Variants in MACROD2 observed in about 807,000 individuals in gnomAD.
MACROD2 encodes the protein mono-ADP ribosylhydrolase 2, also known as ADP-ribose glycohydrolase MACROD2.
Under a neutral mutation model 70.4 loss-of-function variants are expected in MACROD2, and 36 were observed. The ratio of observed to expected loss-of-function variants is 0.51; its 90% CI spans 0.39 to 0.68. MACROD2 has a LOEUF of 0.68. Ranked by LOEUF, MACROD2 falls within the 30% of genes least tolerant of loss-of-function variation. The probability of loss-of-function intolerance (pLI) is 0.00; values close to 1 mark genes in which losing one functional copy is unlikely to be tolerated. For synonymous variants in MACROD2, 172 were observed against 178.8 expected (o/e 0.96, Z 0.30); for missense variants, 496 against 538.4 (o/e 0.92, Z 0.78).
intron 5 of MACROD2, among the ~76,000 whole-genome samples, chr20:14,817,415 A>T (rs190762824): frequency 6.6e-6 from 1 of 152,108 alleles, no homozygotes; most frequent in East Asian, 1.9e-4. Context: ...TGTAAAAGAC[A>T]TGAACACTAA....
At chr20:15,905,533 T>A (rs571872797) in intron 10 of MACROD2, among the ~76,000 whole-genome samples, 2 of 152,334 alleles carry the variant, frequency 1.3e-5, no homozygotes, top group East Asian at 3.9e-4. Flanking sequence ...TCCCCGGGTT[T>A]ATAGAACTAA....
intron 5 of MACROD2, among the ~76,000 whole-genome samples, chr20:14,871,608 ATAAAC>A (rs1449660840): frequency 6.6e-6 from 1 of 152,172 alleles, no homozygotes; most frequent in Non-Finnish European, 1.5e-5. Flanking sequence ...AAATGACCAC[ATAAAC>A]AAGTCTGAAA....
chr20:15,229,250 G>A (rs2076938735), intron 5 of MACROD2, among the ~76,000 whole-genome samples: 1 of 152,090 alleles, frequency 6.6e-6, no homozygotes, highest in African/African-American at 2.4e-5. Flanking sequence ...AACATAAATA[G>A]GAGTTGAACA....
intron 5 of MACROD2, among the ~76,000 whole-genome samples, chr20:14,984,578 G>T (rs2074831907): frequency 6.6e-6 from 1 of 152,164 alleles, no homozygotes; most frequent in Admixed American, 6.5e-5. Flanking sequence ...GAAACTGCTA[G>T]ACGAACAGGG....
chr20:15,970,750 T>C (rs1417422829), intron 13 of MACROD2, among the ~76,000 whole-genome samples: 1 of 152,092 alleles, frequency 6.6e-6, no homozygotes, highest in East Asian at 1.9e-4. Context: ...TTCAACTGGG[T>C]AGGAACACTA....
intron 2 of MACROD2, among the ~76,000 whole-genome samples, chr20:14,057,166 T>A (rs2053640185): frequency 6.6e-6 from 1 of 152,134 alleles, no homozygotes; most frequent in Non-Finnish European, 1.5e-5. Context: ...AGAGAATATC[T>A]TACATCTTTC....
chr20:14,190,635 C>T (rs1198339911), intron 3 of MACROD2, among the ~76,000 whole-genome samples: 1 of 137,822 alleles, frequency 7.3e-6, no homozygotes, highest in Non-Finnish European at 1.5e-5. Context: ...TTTATTTTAC[C>T]CACACCACTT....
At chr20:14,096,392 A>G in intron 3 of MACROD2, among the ~76,000 whole-genome samples, 1 of 132,190 alleles carries the variant, frequency 7.6e-6, no homozygotes, top group African/African-American at 3.0e-5. Flanking sequence ...TTTGAGACAG[A>G]GTCTTGCTCT....
chr20:15,403,404 G>A (rs1041954458), intron 6 of MACROD2, among the ~76,000 whole-genome samples: 6 of 151,368 alleles, frequency 4.0e-5, no homozygotes, highest in African/African-American at 1.2e-4. Flanking sequence ...GTTAGAGAGA[G>A]AGAGAGAGAA....
chr20:15,084,838 A>G (rs1381982874), intron 5 of MACROD2, among the ~76,000 whole-genome samples: 4 of 152,186 alleles, frequency 2.6e-5, no homozygotes, highest in African/African-American at 7.2e-5. Flanking sequence ...TAAAACATAT[A>G]TGTCCTTCAA....
chr20:15,405,036 A>G (rs1394000153), intron 6 of MACROD2, among the ~76,000 whole-genome samples: 1 of 152,206 alleles, frequency 6.6e-6, no homozygotes, highest in Non-Finnish European at 1.5e-5. Flanking sequence ...GATACAAAAT[A>G]CCACATAGTG....
In MACROD2 at chr20:15,594,163, T is replaced by A. The variant is rs138776407; in HGVS notation, c.645+94316T>A. On this transcript the variant is annotated intron_variant, in intron 8 of 17. Coordinates refer to ENST00000684519, the MANE Select transcript of MACROD2 (RefSeq NM_001351661.2). ...TGCAATAAGACCCACCCATATTTTA[T>A]GACTATAACTATAATTTACACAAAT... is the stretch of plus-strand genomic sequence containing the variant. 2.4e-4 allele frequency among the ~76,000 whole-genome samples: 37 copies of A among 152,352 alleles called. No individual in the cohort carries two copies. In the East Asian group the frequency reaches 6.9e-3, roughly 29 times the overall value.
intron 6 of MACROD2, among the ~76,000 whole-genome samples, chr20:15,349,522 C>A (rs1381175553): frequency 6.6e-6 from 1 of 152,024 alleles, no homozygotes; most frequent in African/African-American, 2.4e-5. Flanking sequence ...TTTGGGAGGC[C>A]AAGGTGGGTG....
chr20:14,916,847 T>A (rs531051345), intron 5 of MACROD2, among the ~76,000 whole-genome samples: 1 of 152,244 alleles, frequency 6.6e-6, no homozygotes, highest in South Asian at 2.1e-4. Context: ...ATGGCCATAC[T>A]GAACCTCAGC....
At chr20:14,545,268 T>G (rs1450752034) in intron 4 of MACROD2, among the ~76,000 whole-genome samples, 1 of 152,188 alleles carries the variant, frequency 6.6e-6, no homozygotes, top group Non-Finnish European at 1.5e-5. Flanking sequence ...AGGTATCCTG[T>G]CTGGTACCTG....
intron 5 of MACROD2, among the ~76,000 whole-genome samples, chr20:14,968,707 G>T (rs917720947): frequency 1.3e-5 from 2 of 152,076 alleles, no homozygotes; most frequent in Admixed American, 6.5e-5. Context: ...TGCAATACTG[G>T]AAAGTTTTCA....
intron 5 of MACROD2, among the ~76,000 whole-genome samples, chr20:15,227,823 GT>G (rs59129207): frequency 3.5e-4 from 16 of 46,108 alleles, no homozygotes; most frequent in South Asian, 9.6e-4. Flanking sequence ...AATTTCACCT[GT>G]TTTTTTTTTT....
intron 5 of MACROD2, among the ~76,000 whole-genome samples, chr20:15,145,072 C>T (rs146891346): frequency 6.6e-6 from 1 of 152,166 alleles, no homozygotes; most frequent in East Asian, 1.9e-4. Flanking sequence ...ATTTTTAACT[C>T]AGTAAATGGT....
chr20:14,422,004 A>G (rs1345429616), intron 3 of MACROD2, among the ~76,000 whole-genome samples: 1 of 152,188 alleles, frequency 6.6e-6, no homozygotes, highest in South Asian at 2.1e-4. Flanking sequence ...GTCTTCGACT[A>G]TTATCTCCCT....
Sources: gnomAD v4.1 joint callset for allele counts (sites outside exome capture counted in the v4.1 genomes callset) on GRCh38, gnomAD v4.1.1 for gene constraint, MANE v1.5 for transcripts, NCBI Gene and HGNC (gene_info 2026-07-23, HGNC 2026-07-21) for gene names.